Variants in RFC1 observed in about 807,000 individuals in gnomAD.
RFC1 encodes replication factor C subunit 1, also known as A1 140 kDa subunit.
In RFC1, 37 loss-of-function variants were observed where a neutral mutation model predicts 137.4. The ratio of observed to expected loss-of-function variants is 0.27; its 90% CI spans 0.21 to 0.35. The LOEUF is 0.35. Among genes scored for constraint, RFC1 ranks in the 10% least tolerant of loss-of-function variants. The pLI is 1.00. For synonymous variants in RFC1, 429 were observed against 455.7 expected (o/e 0.94, Z 0.75); for missense variants, 1,205 against 1,358.5 (o/e 0.89, Z 1.78).
chr4:39,327,252 A>G (rs1008470374), intron 5 of RFC1, among the ~76,000 whole-genome samples: 7 of 152,216 alleles, frequency 4.6e-5, no homozygotes, highest in Non-Finnish European at 1.0e-4. Flanking sequence ...ATGAGTTTCC[A>G]TTCTGAGAAC....
At chr4:39,328,728 C>T (rs946432008) in intron 4 of RFC1, among the ~76,000 whole-genome samples, 2 of 152,088 alleles carry the variant, frequency 1.3e-5, no homozygotes, top group African/African-American at 2.4e-5. Context: ...TATTATAGAA[C>T]GGGAATCCAC....
rs1739019791 is a variant in RFC1, at chr4:39,312,741, G to A, written c.1383+11C>T. ...GAGGTGTCATGGTGTTGAGAACAAA[G>A]CAGTACCCACCTTATCACTCTTGGA... On this transcript the variant is annotated intron_variant, in intron 11 of 24. Transcript: ENST00000349703. 6.2e-7 allele frequency: 1 copy of A among 1,611,878 alleles called. No individual in the cohort carries two copies. Among genetic ancestry groups the A allele is most frequent in the African/African-American group, 1.3e-5 (1 of 74,814 alleles).
intron 2 of RFC1, among the ~76,000 whole-genome samples, chr4:39,351,033 G>A (rs1175821282): frequency 1.3e-5 from 2 of 151,760 alleles, no homozygotes; most frequent in East Asian, 1.9e-4. Flanking sequence ...GGCAGATCAC[G>A]AGGTCAGGAG....
intron 11 of RFC1, among the ~76,000 whole-genome samples, chr4:39,311,985 C>T (rs902567931): frequency 1.6e-4 from 25 of 151,996 alleles, no homozygotes; most frequent in Admixed American, 2.0e-4. Context: ...CCAAGGCAAC[C>T]AGAAACGTCT....
At chr4:39,359,090 T>C (rs1030967113) in intron 1 of RFC1, among the ~76,000 whole-genome samples, 13 of 152,094 alleles carry the variant, frequency 8.5e-5, no homozygotes, top group African/African-American at 3.1e-4. Context: ...AGCACCACCA[T>C]TCACCCAAAA....
At chr4:39,349,680 CAG>C (rs1481257943) in intron 2 of RFC1, among the ~76,000 whole-genome samples, 4 of 152,184 alleles carry the variant, frequency 2.6e-5, no homozygotes, top group Non-Finnish European at 4.4e-5. Context: ...TGATACAACA[CAG>C]ATGTCAGAAT....
At chr4:39,292,739 T>TCA (rs1260787655) in intron 22 of RFC1, among the ~76,000 whole-genome samples, 1 of 151,790 alleles carries the variant, frequency 6.6e-6, no homozygotes, top group African/African-American at 2.4e-5. Flanking sequence ...CCTCCCGGGT[T>TCA]CAGGAGGTTC....
intron 12 of RFC1, among the ~76,000 whole-genome samples, chr4:39,310,375 G>A (rs1418877552): frequency 1.3e-5 from 2 of 152,148 alleles, no homozygotes; most frequent in South Asian, 2.1e-4. Context: ...TTAACAATAC[G>A]GCATCAATGT....
At chr4:39,329,912 G>A (rs141302907) in intron 4 of RFC1, among the ~76,000 whole-genome samples, 493 of 152,236 alleles carry the variant, frequency 3.2e-3, no homozygotes, top group African/African-American at 0.011. Context: ...GAGTATGCCT[G>A]TAATCCCAGC....
chr4:39,335,114 G>T (rs1181286660), intron 4 of RFC1, among the ~76,000 whole-genome samples: 2 of 152,144 alleles, frequency 1.3e-5, no homozygotes, highest in Non-Finnish European at 1.5e-5. Context: ...GCAAATTAAT[G>T]AAGAGATCCA....
intron 4 of RFC1, 138 bp from the exon 5 acceptor site, chr4:39,327,894 G>A (rs940373848): frequency 9.2e-5 from 60 of 650,468 alleles, no homozygotes; most frequent in Non-Finnish European, 1.5e-4. Flanking sequence ...CACTTTTGGA[G>A]ACCAAGATAG....
chr4:39,322,765 T>G (rs976725608), intron 7 of RFC1, among the ~76,000 whole-genome samples: 7 of 147,090 alleles, frequency 4.8e-5, no homozygotes, highest in Admixed American at 1.4e-4. Context: ...GGCAACAGAG[T>G]GAGACCTTGT....
chr4:39,310,360 G>T (rs998477582), intron 12 of RFC1, among the ~76,000 whole-genome samples: 1 of 152,182 alleles, frequency 6.6e-6, no homozygotes, highest in East Asian at 1.9e-4. Context: ...ATATGTACAG[G>T]TTAGTTAACA....
At chr4:39,294,882 T>C (rs1240949148) in intron 22 of RFC1, among the ~76,000 whole-genome samples, 1 of 151,950 alleles carries the variant, frequency 6.6e-6, no homozygotes, top group Non-Finnish European at 1.5e-5. Flanking sequence ...CGTGCGCCTA[T>C]AATCCCAGCT....
rs748868314 is a variant in RFC1, at chr4:39,327,609, A to C, written c.479T>G (p.Leu160Arg). ...TKNKPLSPIK[L>R]TPTSVLDYFG... ...ATAATCAAGTACTGATGTGGGTGTA[A>C]GTTTTATTGGTGATAAAGGCTTATT... The change falls in exon 5 of 25, where the codon CTT (leucine) becomes CGT (arginine). Residue 160 changes from leucine (L) to arginine (R), a missense_variant. Coordinates refer to ENST00000349703, the MANE Select transcript of RFC1 (RefSeq NM_002913.5). The C allele has an allele frequency of 2.5e-6, 4 of 1,613,698 alleles. 1 individual carries two copies. The highest frequency in any genetic ancestry group is 1.1e-5 in the South Asian group (1 of 91,054).
intron 4 of RFC1, among the ~76,000 whole-genome samples, chr4:39,329,359 G>A (rs1380259994): frequency 6.6e-6 from 1 of 151,588 alleles, no homozygotes; most frequent in East Asian, 1.9e-4. Flanking sequence ...AGCTGGGGAG[G>A]CAGGCAGATC....
intron 6 of RFC1, among the ~76,000 whole-genome samples, chr4:39,325,338 C>T (rs17288132): frequency 0.046 from 6,981 of 152,218 alleles, 556 homozygotes; most frequent in African/African-American, 0.16. Flanking sequence ...TGTGTTCCAG[C>T]CTTAGTAAAT....
chr4:39,317,162 G>A lies in RFC1; in HGVS notation c.1096-140C>T, dbSNP rs17335062. 2.9e-3 allele frequency: 1,701 copies of A among 582,734 alleles called. 22 individuals carry two copies. Among genetic ancestry groups the A allele is most frequent in the African/African-American group, 0.029 (1,533 of 53,328 alleles). 36.1% of individuals were successfully genotyped at this position (582,734 alleles called of 1,614,324 possible). A position where few individuals can be genotyped will look rare whatever the true frequency, so the allele number is the denominator to read the frequency against. ...GAAATTAACAGTTTTAGCTACACAA[G>A]TACTTCCTAACTTACAGACAACTGA... On this transcript the variant is annotated intron_variant, in intron 9 of 24. Transcript: ENST00000349703.
In RFC1 at chr4:39,320,409, T is replaced by C. The variant is rs775978452; in HGVS notation, c.1069A>G (p.Thr357Ala). ...TCTTTTTTAGCTGGAGAACTTTTGG[T>C]TTTCTTAGGAGTTTTTGTCTCTCCT... ...LKGETKTPKK[T>A]KSSPAKKESV... is the part of the protein sequence containing the mutation. Residue 357 changes from threonine to alanine, a missense_variant, in exon 9 of 25, where the codon ACC becomes GCC. By Grantham distance (58) the Thr-to-Ala change is moderately conservative. This residue lies in a region of RFC1 where 962 missense variants were observed against 1,035.3 expected (regional missense o/e 0.93). Coordinates refer to ENST00000349703, the MANE Select transcript of RFC1 (RefSeq NM_002913.5). The C allele has an allele frequency of 6.4e-7, 1 of 1,558,386 alleles. No individual in the cohort carries two copies. The highest frequency in any genetic ancestry group is 8.6e-7 in the Non-Finnish European group (1 of 1,162,448).
Sources: gnomAD v4.1 joint callset for allele counts (sites outside exome capture counted in the v4.1 genomes callset) on GRCh38, gnomAD v4.1.1 for gene constraint, gnomAD v4.1.1 regional missense constraint, MANE v1.5 for transcripts, NCBI Gene and HGNC (gene_info 2026-07-23, HGNC 2026-07-21) for gene names.